The following ACTR3C variants were observed in gnomAD, a reference collection of about 807,000 sequenced individuals.
The protein encoded by ACTR3C is actin-related protein 3C.
A neutral mutation model predicts 26.3 loss-of-function variants in ACTR3C; 18 were observed. The ratio of observed to expected loss-of-function variants is 0.68; its 90% CI spans 0.47 to 1.01. ACTR3C has a LOEUF of 1.01. Ranked by LOEUF, ACTR3C falls within the 50% of genes least tolerant of loss-of-function variation. The pLI is 0.00. For synonymous variants in ACTR3C, 55 were observed against 94.5 expected (o/e 0.58, Z 2.42); for missense variants, 184 against 250.7 (o/e 0.73, Z 1.80).
intron 1 of ACTR3C, among the ~76,000 whole-genome samples, chr7:150,318,295 G>A (rs1438031685): frequency 6.6e-6 from 1 of 152,154 alleles, no homozygotes; most frequent in Non-Finnish European, 1.5e-5. Context: ...CACAAGCTAA[G>A]ACAAAGACAT....
the ACTR3C span, among the ~76,000 whole-genome samples, chr7:150,060,375 C>CAA: frequency 1.3e-5 from 2 of 150,602 alleles, no homozygotes; most frequent in African/African-American, 5.0e-5. Context: ...TAAAAAGTGA[C>CAA]AAAAAAACAC....
the ACTR3C span, among the ~76,000 whole-genome samples, chr7:149,906,408 G>GTTTT: frequency 2.2e-5 from 2 of 90,706 alleles, no homozygotes; most frequent in African/African-American, 5.1e-5. Context: ...TGTGGGGTTT[G>GTTTT]TTTCTTTTTT....
chr7:149,914,521 C>A, the ACTR3C span, among the ~76,000 whole-genome samples: 3 of 151,202 alleles, frequency 2.0e-5, no homozygotes, highest in African/African-American at 7.3e-5. Context: ...TGAGCCCTGG[C>A]GCCACTGCAC....
At chr7:149,937,455 T>C in the ACTR3C span, among the ~76,000 whole-genome samples, 1 of 152,116 alleles carries the variant, frequency 6.6e-6, no homozygotes, top group South Asian at 2.1e-4. Context: ...TGGATTCTTC[T>C]GGATTTAATA....
the ACTR3C span, among the ~76,000 whole-genome samples, chr7:150,180,327 A>G: frequency 0.045 from 4,985 of 110,254 alleles, 6 homozygotes; most frequent in Middle Eastern, 0.055. Context: ...CAAAAACAAA[A>G]AAAAGGAAAT....
At chr7:149,918,836 G>A in the ACTR3C span, among the ~76,000 whole-genome samples, 1 of 152,202 alleles carries the variant, frequency 6.6e-6, no homozygotes, top group South Asian at 2.1e-4. Flanking sequence ...GACAGCAGGG[G>A]CAAGAGCTGA....
chr7:150,050,609 G>GCA, the ACTR3C span, among the ~76,000 whole-genome samples: 8 of 152,170 alleles, frequency 5.3e-5, no homozygotes, highest in African/African-American at 1.9e-4. Flanking sequence ...GGAGGGCAGG[G>GCA]GAGGAGGGCA....
the ACTR3C span, among the ~76,000 whole-genome samples, chr7:149,968,284 G>A: frequency 2.6e-5 from 4 of 152,280 alleles, no homozygotes; most frequent in Non-Finnish European, 2.9e-5. Context: ...GGTGTCTCAC[G>A]CCTGTAATCC....
At chr7:150,033,604 TC>T in the ACTR3C span, among the ~76,000 whole-genome samples, 5 of 150,514 alleles carry the variant, frequency 3.3e-5, no homozygotes, top group Non-Finnish European at 5.9e-5. Flanking sequence ...AGGAGGTGCC[TC>T]CCCCCGCTGC....
At chr7:150,012,027 G>A in the ACTR3C span, among the ~76,000 whole-genome samples, 4 of 152,270 alleles carry the variant, frequency 2.6e-5, no homozygotes, top group South Asian at 2.1e-4. Context: ...CAGAATGTCC[G>A]GAAAAGCTTG....
chr7:150,184,597 G>A, the ACTR3C span, among the ~76,000 whole-genome samples: 1 of 150,430 alleles, frequency 6.6e-6, no homozygotes. Context: ...CAGCATCCTA[G>A]AGAGATATTA....
At chr7:150,256,137 A>C (rs990876104) in intron 6 of ACTR3C, among the ~76,000 whole-genome samples, 3 of 152,198 alleles carry the variant, frequency 2.0e-5, no homozygotes, top group African/African-American at 7.2e-5. Context: ...TATTCCATGG[A>C]GTGTACGTAC....
chr7:150,124,728 A>G, the ACTR3C span, among the ~76,000 whole-genome samples: 1 of 152,166 alleles, frequency 6.6e-6, no homozygotes, highest in East Asian at 1.9e-4. Context: ...GTCCATGTCC[A>G]AGTCCAAGCA....
chr7:150,192,484 T>C, the ACTR3C span, among the ~76,000 whole-genome samples: 1 of 152,128 alleles, frequency 6.6e-6, no homozygotes, highest in South Asian at 2.1e-4. Context: ...AAATTTTTCA[T>C]AGAAACGACG....
chr7:150,266,245 T>TATTC, intron 6 of ACTR3C, among the ~76,000 whole-genome samples: 1 of 146,678 alleles, frequency 6.8e-6, no homozygotes, highest in Non-Finnish European at 1.5e-5. Flanking sequence ...TCATTTCTTT[T>TATTC]ATTCACATAA....
At chr7:150,181,644 G>T in the ACTR3C span, among the ~76,000 whole-genome samples, 1 of 150,580 alleles carries the variant, frequency 6.6e-6, no homozygotes, top group Admixed American at 6.6e-5. Flanking sequence ...CCCAATGAGG[G>T]AACTCAAAAT....
chr7:150,076,908 T>C, the ACTR3C span, among the ~76,000 whole-genome samples: 1 of 152,200 alleles, frequency 6.6e-6, no homozygotes. Context: ...TTCACACCTG[T>C]AATCCCAGCA....
chr7:150,029,724 C>T, the ACTR3C span, among the ~76,000 whole-genome samples: 2 of 152,056 alleles, frequency 1.3e-5, no homozygotes, highest in African/African-American at 4.8e-5. Context: ...TAAAAAAAGT[C>T]ATCTGAGGCC....
At chr7:150,023,511 T>C in the ACTR3C span, among the ~76,000 whole-genome samples, 6 of 151,564 alleles carry the variant, frequency 4.0e-5, no homozygotes, top group Non-Finnish European at 5.9e-5. Flanking sequence ...TTTTTTGTAT[T>C]TTTAGTAGAG....
Sources: gnomAD v4.1 joint callset for allele counts (sites outside exome capture counted in the v4.1 genomes callset) on GRCh38, gnomAD v4.1.1 for gene constraint, MANE v1.5 for transcripts, NCBI Gene and HGNC (gene_info 2026-07-23, HGNC 2026-07-21) for gene names.